The following ACAD10 variants were observed in gnomAD, a reference collection of about 807,000 sequenced individuals.
ACAD10 encodes ACAD-10.
In ACAD10, 112 loss-of-function variants were observed where a neutral mutation model predicts 116.8. That is an observed-to-expected ratio of 0.96 (90% confidence interval 0.82 to 1.12). ACAD10 has a LOEUF of 1.12. ACAD10 is among the 50% of genes most tolerant of loss of function. The probability of loss-of-function intolerance (pLI) is 0.00; values close to 1 mark genes in which losing one functional copy is unlikely to be tolerated. For synonymous variants in ACAD10, 486 were observed against 510.6 expected, an observed-to-expected ratio of 0.95 and a Z score of 0.65; for missense variants, 1,259 against 1,350.2, an observed-to-expected ratio of 0.93 and a Z score of 1.06.
At chr12:111,749,722 T>C (rs1467988100) in intron 18 of ACAD10, 2 of 175,838 alleles carry the variant, frequency 1.1e-5, no homozygotes, top group Non-Finnish European at 2.4e-5. Flanking sequence ...AAGCCAAGCA[T>C]TTGAGACCAG....
intron 6 of ACAD10, 78 bp downstream of exon 6, chr12:111,712,735 A>C: frequency 1.4e-6 from 2 of 1,469,516 alleles, no homozygotes; most frequent in Non-Finnish European, 1.9e-6. Flanking sequence ...TTCAACCCTA[A>C]TGGAATGGGC....
intron 12 of ACAD10, among the ~76,000 whole-genome samples, chr12:111,739,642 C>G (rs1322688187): frequency 6.6e-6 from 1 of 151,992 alleles, no homozygotes; most frequent in East Asian, 1.9e-4. Flanking sequence ...CCTGTAATCC[C>G]AGCTACTCGG....
chr12:111,735,146 C>T (rs1172517892), intron 11 of ACAD10, among the ~76,000 whole-genome samples: 1 of 151,466 alleles, frequency 6.6e-6, no homozygotes, highest in Non-Finnish European at 1.5e-5. Flanking sequence ...ATGGTGTGAA[C>T]CCGGGAGGCG....
At chr12:111,728,384 T>G (rs1473597535) in intron 9 of ACAD10, among the ~76,000 whole-genome samples, 1 of 152,044 alleles carries the variant, frequency 6.6e-6, no homozygotes, top group Non-Finnish European at 1.5e-5. Context: ...TTTTTTTCAT[T>G]TTTTCTTTTT....
At position 111,756,651 on chromosome 12, in the gene ACAD10, G is replaced by A; in HGVS notation, c.*178G>A. The A allele has an allele frequency of 2.9e-6, 3 of 1,048,718 alleles. No homozygotes were observed. The highest frequency in any genetic ancestry group is 4.3e-6 in the Non-Finnish European group (3 of 703,926). The allele number at this position is 1,048,718 out of a possible 1,614,324, so 65.0% of individuals were successfully genotyped here. A position where few individuals can be genotyped will look rare whatever the true frequency, so the allele number is the denominator to read the frequency against. On this transcript the variant is annotated 3_prime_UTR_variant, in exon 21 of 21. Coordinates refer to ENST00000313698, the MANE Select transcript of ACAD10 (RefSeq NM_025247.6). ...TTCTCCACAGAAGACGTCTCTGCAA[G>A]AAGCCTGGAGTCTGTTTCAGGCCAG...
chr12:111,756,426 G>A lies in ACAD10; in HGVS notation c.3133G>A (p.Val1045Met). 6.2e-7 allele frequency: 1 copy of A among 1,612,824 alleles called. No individual in the cohort carries two copies. Among genetic ancestry groups the A allele is most frequent in the Non-Finnish European group, 8.5e-7 (1 of 1,179,892 alleles). The change falls in exon 21 of 21, where the codon GTG becomes ATG. Residue 1045 changes from valine to methionine, a missense_variant. Physicochemically the swap from Val to Met is conservative, Grantham distance 21. Transcript: ENST00000313698. ...ALRFADGPDEVHRATVAKLEL... is the reference protein window; with the variant it reads ...ALRFADGPDEMHRATVAKLEL... ...GCGCTTTGCCGACGGCCCTGACGAG[G>A]TGCACCGGGCCACGGTGGCCAAGCT...
At chr12:111,705,062 A>G (rs1158965146) in intron 3 of ACAD10, among the ~76,000 whole-genome samples, 1 of 152,124 alleles carries the variant, frequency 6.6e-6, no homozygotes, top group Non-Finnish European at 1.5e-5. Flanking sequence ...AAAGTTCATA[A>G]TGGTGATACT....
intron 20 of ACAD10, 100 bp from the exon 21 acceptor site, chr12:111,756,233 A>G (rs1039065926): frequency 1.6e-5 from 24 of 1,467,766 alleles, no homozygotes; most frequent in Non-Finnish European, 2.1e-5. Flanking sequence ...AAGTCCGGGA[A>G]GATGGTTGTT....
intron 12 of ACAD10, among the ~76,000 whole-genome samples, chr12:111,742,105 CT>C (rs1889761087): frequency 6.6e-6 from 1 of 152,170 alleles, no homozygotes; most frequent in Non-Finnish European, 1.5e-5. Flanking sequence ...GTGATGTGGT[CT>C]CTTCTGCTGG....
At chr12:111,719,944 G>A (rs1014152695) in intron 7 of ACAD10, among the ~76,000 whole-genome samples, 1 of 151,732 alleles carries the variant, frequency 6.6e-6, no homozygotes, top group Non-Finnish European at 1.5e-5. Context: ...AGCTAGGATG[G>A]TCTCGATCTC....
intron 2 of ACAD10, chr12:111,693,244 A>AT: frequency 4.5e-6 from 1 of 223,744 alleles, no homozygotes; most frequent in Non-Finnish European, 8.9e-6. Context: ...TGTGATTAGA[A>AT]TTTAACCACC....
intron 18 of ACAD10, among the ~76,000 whole-genome samples, chr12:111,752,076 G>T (rs7295396): frequency 0.35 from 49,998 of 143,780 alleles, 12,043 homozygotes; most frequent in East Asian, 0.86. Flanking sequence ...AAAAAAAAAA[G>T]TAGCCAGGTG....
chr12:111,715,794 G>T, intron 6 of ACAD10, 27 bp from the exon 7 acceptor site: 1 of 1,614,088 alleles, frequency 6.2e-7, no homozygotes, highest in South Asian at 1.1e-5. Flanking sequence ...GGGCTGGTTT[G>T]AGTTTTCTTT....
At chr12:111,725,597 C>T (rs1351989362) in intron 8 of ACAD10, among the ~76,000 whole-genome samples, 8 of 151,334 alleles carry the variant, frequency 5.3e-5, no homozygotes, top group South Asian at 2.1e-4. Flanking sequence ...CGAAATGGCG[C>T]GGTCTGGGCA....
At chr12:111,704,279 C>T (rs1185594935) in intron 3 of ACAD10, among the ~76,000 whole-genome samples, 3 of 151,832 alleles carry the variant, frequency 2.0e-5, no homozygotes, top group Non-Finnish European at 1.5e-5. Context: ...GTAGCTGGGA[C>T]TACAGGCGTG....
At chr12:111,738,446 C>CA (rs752828322) in intron 12 of ACAD10, among the ~76,000 whole-genome samples, 1,920 of 48,914 alleles carry the variant, frequency 0.039, 53 homozygotes, top group African/African-American at 0.11. Context: ...GACTCTGTCT[C>CA]AAAAAAAAAA....
intron 12 of ACAD10, among the ~76,000 whole-genome samples, chr12:111,739,476 G>T (rs1444251812): frequency 2.0e-5 from 3 of 152,212 alleles, no homozygotes; most frequent in African/African-American, 4.8e-5. Context: ...GAAACATCAG[G>T]CTGGGCGTGG....
At chr12:111,704,658 TAA>T (rs1288475331) in intron 3 of ACAD10, among the ~76,000 whole-genome samples, 1 of 151,620 alleles carries the variant, frequency 6.6e-6, no homozygotes, top group African/African-American at 2.4e-5. Flanking sequence ...TGTGATAATA[TAA>T]GAGTTTTCTT....
intron 8 of ACAD10, among the ~76,000 whole-genome samples, chr12:111,727,244 G>T (rs1043609114): frequency 2.1e-5 from 3 of 145,982 alleles, no homozygotes; most frequent in Non-Finnish European, 1.5e-5. Flanking sequence ...AAATAAATAG[G>T]CCGGGAGCAG....
Sources: gnomAD v4.1 joint callset for allele counts (sites outside exome capture counted in the v4.1 genomes callset) on GRCh38, gnomAD v4.1.1 for gene constraint, MANE v1.5 for transcripts, NCBI Gene and HGNC (gene_info 2026-07-23, HGNC 2026-07-21) for gene names.